LRRIQ3: variants seen among roughly 807,000 people sequenced by gnomAD.
LRRIQ3 encodes the protein leucine rich repeats and IQ motif containing 3, also known as leucine-rich repeat and IQ domain-containing protein 3.
A neutral mutation model predicts 59.3 loss-of-function variants in LRRIQ3; 75 were observed. The ratio of observed to expected loss-of-function variants is 1.26; its 90% CI spans 1.05 to 1.53. The LOEUF is 1.53. LRRIQ3 is among the 40% of genes most tolerant of loss of function. The pLI is 0.00. For missense variants in LRRIQ3, 831 were observed against 710.0 expected, an observed-to-expected ratio of 1.17 and a Z score of -1.94; for synonymous variants, 250 against 231.3, an observed-to-expected ratio of 1.08 and a Z score of -0.73.
At chr1:74,185,659 A>G (rs914987145) in intron 1 of LRRIQ3, among the ~76,000 whole-genome samples, 3 of 152,138 alleles carry the variant, frequency 2.0e-5, no homozygotes, top group African/African-American at 7.2e-5. Context: ...AAGTCCTTGA[A>G]AGGGCCGGGC....
chr1:74,141,404 T>A (rs754865227), intron 4 of LRRIQ3, among the ~76,000 whole-genome samples: 5 of 151,862 alleles, frequency 3.3e-5, no homozygotes, highest in Non-Finnish European at 7.4e-5. Context: ...TGAGCTAATA[T>A]TTTACACAAA....
intron 3 of LRRIQ3, among the ~76,000 whole-genome samples, chr1:74,166,635 GA>G (rs1241742975): frequency 2.0e-5 from 3 of 151,646 alleles, no homozygotes; most frequent in African/African-American, 7.3e-5. Flanking sequence ...ATAGATCATT[GA>G]TATGATATTT....
intron 5 of LRRIQ3, among the ~76,000 whole-genome samples, chr1:74,099,963 A>G (rs1431812867): frequency 1.3e-5 from 2 of 152,182 alleles, no homozygotes; most frequent in Admixed American, 1.3e-4. Context: ...CTGAATGGGC[A>G]AAAATTGGAA....
At chr1:74,130,731 G>A (rs1327633038) in intron 4 of LRRIQ3, among the ~76,000 whole-genome samples, 5 of 152,022 alleles carry the variant, frequency 3.3e-5, no homozygotes, top group Admixed American at 2.6e-4. Context: ...AAGAGGTATT[G>A]TTGTTTGTTT....
intron 6 of LRRIQ3, among the ~76,000 whole-genome samples, chr1:74,047,770 T>C (rs1343258759): frequency 6.6e-6 from 1 of 152,042 alleles, no homozygotes; most frequent in African/African-American, 2.4e-5. Context: ...AAATCTGTTG[T>C]TTATAAGCTA....
At chr1:74,161,469 A>T (rs1284675773) in intron 3 of LRRIQ3, among the ~76,000 whole-genome samples, 1 of 152,038 alleles carries the variant, frequency 6.6e-6, no homozygotes, top group African/African-American at 2.4e-5. Flanking sequence ...TATGTTTGTT[A>T]ATTACATTTG....
At chr1:74,104,130 T>C (rs1238056858) in intron 5 of LRRIQ3, among the ~76,000 whole-genome samples, 1 of 152,008 alleles carries the variant, frequency 6.6e-6, no homozygotes, top group Non-Finnish European at 1.5e-5. Context: ...ACATCATACG[T>C]AATTAAGGGA....
chr1:74,166,407 T>C lies in LRRIQ3; in HGVS notation c.574-10541A>G, dbSNP rs759417191. On this transcript the variant is annotated intron_variant, in intron 3 of 7. Transcript: ENST00000354431. Reference sequence around the variant, plus strand: ...AAGGCCTGTGATCTCCCTGGTTTCATGCATGATGTTGATAATTTGTCTCTC... The same window carrying C: ...AAGGCCTGTGATCTCCCTGGTTTCACGCATGATGTTGATAATTTGTCTCTC... Among the ~76,000 whole-genome samples, 4 of 151,818 alleles carry C rather than the reference T, an allele frequency of 2.6e-5. No individual in the cohort carries two copies. The South Asian group carries it at 6.2e-4, about 24-fold the overall frequency.
At chr1:74,104,012 T>G (rs1190762805) in intron 5 of LRRIQ3, among the ~76,000 whole-genome samples, 2 of 151,988 alleles carry the variant, frequency 1.3e-5, no homozygotes, top group Non-Finnish European at 2.9e-5. Flanking sequence ...CTCTTTCCTC[T>G]CTTATATAGG....
intron 3 of LRRIQ3, chr1:74,181,852 T>C (rs1415311010): frequency 1.3e-5 from 2 of 151,864 alleles, no homozygotes; most frequent in Non-Finnish European, 3.0e-5. Context: ...AATTATGTTC[T>C]ATTCTTCCTC....
chr1:74,029,825 T>G (rs887738921), intron 7 of LRRIQ3, among the ~76,000 whole-genome samples: 1 of 152,092 alleles, frequency 6.6e-6, no homozygotes, highest in Admixed American at 6.6e-5. Flanking sequence ...ATCCATCTGG[T>G]CCTGGACTTT....
At chr1:74,069,929 C>T (rs1169994564) in intron 6 of LRRIQ3, among the ~76,000 whole-genome samples, 1 of 151,892 alleles carries the variant, frequency 6.6e-6, no homozygotes, top group Non-Finnish European at 1.5e-5. Context: ...AATGAAATGC[C>T]ATCTCGCATT....
At chr1:74,099,571 C>T (rs1476451202) in intron 5 of LRRIQ3, among the ~76,000 whole-genome samples, 40 of 152,218 alleles carry the variant, frequency 2.6e-4, no homozygotes, top group African/African-American at 9.6e-4. Context: ...CCAGCATCAT[C>T]CTGATACCAA....
chr1:74,137,332 A>G (rs775371514), intron 4 of LRRIQ3, among the ~76,000 whole-genome samples: 6 of 152,080 alleles, frequency 3.9e-5, no homozygotes, highest in Admixed American at 6.6e-5. Flanking sequence ...GCCAAAATAC[A>G]TATGAAAAAA....
intron 3 of LRRIQ3, among the ~76,000 whole-genome samples, chr1:74,178,436 A>G (rs1331355507): frequency 6.6e-6 from 1 of 152,040 alleles, no homozygotes; most frequent in Non-Finnish European, 1.5e-5. Flanking sequence ...TTTAATCTAT[A>G]TTACTCTATT....
At chr1:74,045,342 C>T (rs181764144) in intron 6 of LRRIQ3, among the ~76,000 whole-genome samples, 7 of 152,264 alleles carry the variant, frequency 4.6e-5, no homozygotes, top group Admixed American at 3.3e-4. Flanking sequence ...AGCACATAAA[C>T]GGAACCAGTG....
chr1:74,082,367 A>G (rs2100497925), intron 5 of LRRIQ3: 1 of 151,664 alleles, frequency 6.6e-6, no homozygotes, highest in Admixed American at 6.6e-5. Flanking sequence ...AATGAAAGAG[A>G]CATACGTATA....
intron 5 of LRRIQ3, among the ~76,000 whole-genome samples, chr1:74,086,631 G>A (rs1304120234): frequency 6.6e-6 from 1 of 152,070 alleles, no homozygotes; most frequent in East Asian, 1.9e-4. Flanking sequence ...GTTTTAATAT[G>A]AGTAATAGGC....
chr1:74,058,583 A>G (rs993508279), intron 6 of LRRIQ3, among the ~76,000 whole-genome samples: 1 of 152,014 alleles, frequency 6.6e-6, no homozygotes, highest in Non-Finnish European at 1.5e-5. Flanking sequence ...GGAGAAGGGA[A>G]ATAGTCAGAG....
Sources: gnomAD v4.1 joint callset for allele counts (sites outside exome capture counted in the v4.1 genomes callset) on GRCh38, gnomAD v4.1.1 for gene constraint, MANE v1.5 for transcripts, NCBI Gene and HGNC (gene_info 2026-07-23, HGNC 2026-07-21) for gene names.